The following ASAP2 variants were observed in gnomAD, a reference collection of about 807,000 sequenced individuals.
The protein encoded by ASAP2 is arf-GAP with SH3 domain, ANK repeat and PH domain-containing protein 2.
In ASAP2, 45 loss-of-function variants were observed where a neutral mutation model predicts 131.4. The observed-to-expected ratio is 0.34, with a 90% CI of 0.27 to 0.44. The LOEUF is 0.44. ASAP2 is among the 20% of genes least tolerant of loss of function. ASAP2 has a pLI of 1.00. For synonymous variants in ASAP2, 510 were observed against 503.0 expected, an observed-to-expected ratio of 1.01 and a Z score of -0.19; for missense variants, 1,011 against 1,297.0, an observed-to-expected ratio of 0.78 and a Z score of 3.39.
At chr2:9,342,519 AAG>A (rs1468939066) in intron 9 of ASAP2, among the ~76,000 whole-genome samples, 3 of 152,238 alleles carry the variant, frequency 2.0e-5, no homozygotes, top group African/African-American at 4.8e-5. Flanking sequence ...AAATGAGTCA[AAG>A]AGCTAAATGA....
chr2:9,369,682 A>C (rs1673781657), intron 16 of ASAP2, among the ~76,000 whole-genome samples: 1 of 152,198 alleles, frequency 6.6e-6, no homozygotes, highest in East Asian at 1.9e-4. Context: ...GATAAGAAAA[A>C]GTATTTAAAA....
intron 2 of ASAP2, among the ~76,000 whole-genome samples, chr2:9,293,611 G>A (rs1180182384): frequency 6.6e-6 from 1 of 152,154 alleles, no homozygotes; most frequent in African/African-American, 2.4e-5. Flanking sequence ...TTCTCTAGTA[G>A]GAAAATCTTC....
intron 3 of ASAP2, among the ~76,000 whole-genome samples, chr2:9,306,052 C>T (rs1412190185): frequency 9.1e-6 from 1 of 109,564 alleles, no homozygotes; most frequent in Non-Finnish European, 1.7e-5. Context: ...GGGAGAGTAT[C>T]GATATGAGGT....
intron 20 of ASAP2, among the ~76,000 whole-genome samples, chr2:9,383,396 A>G (rs1271590586): frequency 6.6e-6 from 1 of 152,058 alleles, no homozygotes; most frequent in African/African-American, 2.4e-5. Context: ...CTGAGACTAC[A>G]GATGCATGCC....
At chr2:9,320,414 G>T in intron 5 of ASAP2, 77 bp downstream of exon 5, 1 of 1,092,302 alleles carries the variant, frequency 9.2e-7, no homozygotes, top group African/African-American at 1.6e-5. Context: ...ATTGCTTAAA[G>T]GGATTGTCCA....
chr2:9,318,630 GC>G, intron 4 of ASAP2, 32 bp downstream of exon 4: 1 of 1,510,328 alleles, frequency 6.6e-7, no homozygotes, highest in Non-Finnish European at 9.1e-7. Context: ...ACCAGGGGCA[GC>G]TTTTACACCA....
At chr2:9,335,392 A>T (rs544342496) in intron 9 of ASAP2, among the ~76,000 whole-genome samples, 1 of 152,338 alleles carries the variant, frequency 6.6e-6, no homozygotes, top group East Asian at 1.9e-4. Context: ...TACTACATGC[A>T]TGGCCTTAAT....
chr2:9,356,264 G>C lies in ASAP2; in HGVS notation c.1246G>C (p.Val416Leu), dbSNP rs922914963. ...TGACAATACTGGAGAAAATAACATCGTCCAAGAACTGACAAAGGAGATCAT... is the reference window on the plus strand; with the variant it reads ...TGACAATACTGGAGAAAATAACATCCTCCAAGAACTGACAAAGGAGATCAT... ...GDDNTGENNI[V>L]QELTKEIISE... Residue 416 changes from valine to leucine, a missense_variant, in exon 14 of 28, where the codon GTC becomes CTC. By Grantham distance (32) the Val-to-Leu change is conservative. Transcript: ENST00000281419. 6.2e-7 allele frequency: 1 copy of C among 1,613,862 alleles called. No homozygotes were observed. The highest frequency in any genetic ancestry group is 8.5e-7 in the Non-Finnish European group (1 of 1,179,964).
intron 1 of ASAP2, chr2:9,271,351 TA>T (rs1666381637): frequency 8.7e-7 from 1 of 1,153,030 alleles, no homozygotes; most frequent in African/African-American, 1.5e-5. Flanking sequence ...ACTGGCATAA[TA>T]TATGTTCTTG....
chr2:9,300,720 C>A (rs1410373302), intron 3 of ASAP2, among the ~76,000 whole-genome samples: 1 of 152,208 alleles, frequency 6.6e-6, no homozygotes, highest in Non-Finnish European at 1.5e-5. Flanking sequence ...GGGCCCTTAG[C>A]TAGTGAGGGA....
intron 2 of ASAP2, among the ~76,000 whole-genome samples, chr2:9,295,320 C>T (rs1280899235): frequency 1.3e-5 from 2 of 152,112 alleles, no homozygotes; most frequent in Non-Finnish European, 2.9e-5. Flanking sequence ...CCCTAATTGC[C>T]TAATAGTGTT....
At chr2:9,261,359 A>T (rs1044634201) in intron 1 of ASAP2, among the ~76,000 whole-genome samples, 3 of 151,658 alleles carry the variant, frequency 2.0e-5, no homozygotes, top group Non-Finnish European at 4.4e-5. Flanking sequence ...AGCCAAACAC[A>T]TGATTTTGGA....
chr2:9,251,914 A>G (rs1223198387), intron 1 of ASAP2, among the ~76,000 whole-genome samples: 1 of 150,350 alleles, frequency 6.7e-6, no homozygotes, highest in Admixed American at 6.6e-5. Flanking sequence ...CTGTGCCCAC[A>G]TTGCTTTTTT....
intron 15 of ASAP2, among the ~76,000 whole-genome samples, chr2:9,363,996 C>T (rs1233434952): frequency 6.6e-6 from 1 of 152,132 alleles, no homozygotes; most frequent in East Asian, 1.9e-4. Context: ...CTAAAGCAAA[C>T]CTACTTTGGG....
At chr2:9,368,731 C>T (rs1293394675) in intron 16 of ASAP2, among the ~76,000 whole-genome samples, 1 of 152,032 alleles carries the variant, frequency 6.6e-6, no homozygotes, top group Non-Finnish European at 1.5e-5. Flanking sequence ...GCAGGTTTCG[C>T]AGATGCTGTG....
rs1297352556 is a variant in ASAP2, at chr2:9,389,983, C to A, written c.2384-1079C>A. Reference sequence around the variant, plus strand: ...CACAATCAAGATGATTTTGATCATCCTCCTTCCCAGCAGTGGCTTTTGCTG... The same window carrying A: ...CACAATCAAGATGATTTTGATCATCATCCTTCCCAGCAGTGGCTTTTGCTG... On this transcript the variant is annotated intron_variant, in intron 22 of 27. Coordinates refer to ENST00000281419, the MANE Select transcript of ASAP2 (RefSeq NM_003887.3). The surrounding 1 kb of genome is among the most constrained non-coding windows in gnomAD (Gnocchi z 4.7). 6.6e-6 allele frequency among the ~76,000 whole-genome samples: 1 copy of A among 152,218 alleles called. No individual in the cohort carries two copies. Among genetic ancestry groups the A allele is most frequent in the Non-Finnish European group, 1.5e-5 (1 of 68,038 alleles).
rs1572595847 is a variant in ASAP2 at position 9,380,475 on chromosome 2, G to GA, written c.1949-266_1949-265insA. ...TGCCTCCCAAAGTGCTGGGATTACA[G>GA]GCGTGAGCCACTGCGCCTGGCCAGT... is the stretch of plus-strand genomic sequence containing the variant. On this transcript the variant is annotated intron_variant, in intron 19 of 27. Coordinates refer to ENST00000281419, the MANE Select transcript of ASAP2 (RefSeq NM_003887.3). 2.0e-5 allele frequency among the ~76,000 whole-genome samples: 3 copies of GA among 152,314 alleles called. No homozygotes were observed. The East Asian group carries it at 5.8e-4, about 29-fold the overall frequency.
rs143350818 is a variant in ASAP2 at position 9,286,364 on chromosome 2, C to T, written c.199+6975C>T. 4.8e-3 allele frequency among the ~76,000 whole-genome samples: 732 copies of T among 151,510 alleles called. 5 individuals carry two copies. The highest frequency in any genetic ancestry group is 0.017 in the African/African-American group (704 of 41,146). ...AGTGAGCTGAAACTGCACCACTGCA[C>T]TTCATCCTGGGTGACAGAGTGAGAC... On this transcript the variant is annotated intron_variant, in intron 2 of 27. Coordinates refer to ENST00000281419, the MANE Select transcript of ASAP2 (RefSeq NM_003887.3).
chr2:9,353,363 G>A (rs778099703), intron 12 of ASAP2, among the ~76,000 whole-genome samples: 2 of 152,072 alleles, frequency 1.3e-5, no homozygotes, highest in African/African-American at 4.8e-5. Context: ...TCAGGAGTTC[G>A]AGACCAGACT....
Sources: allele counts gnomAD v4.1 joint callset (sites outside exome capture counted in the v4.1 genomes callset), GRCh38; gene constraint gnomAD v4.1.1; non-coding constraint Gnocchi (gnomAD v3.1); transcripts MANE v1.5; gene names NCBI Gene and HGNC (gene_info 2026-07-23, HGNC 2026-07-21).